PDGFA: variants seen among roughly 807,000 people sequenced by gnomAD.
The protein encoded by PDGFA is platelet-derived growth factor subunit A.
Under a neutral mutation model 25.6 loss-of-function variants are expected in PDGFA, and 9 were observed. That is an observed-to-expected ratio of 0.35 (90% CI 0.21 to 0.61). The LOEUF (loss-of-function observed/expected upper bound fraction) is 0.61, where lower values mean the gene tolerates loss of function less well. Ranked by LOEUF, PDGFA falls within the 20% of genes least tolerant of loss-of-function variation. The pLI is 0.75. For missense variants in PDGFA, 242 were observed against 272.8 expected, an observed-to-expected ratio of 0.89 and a Z score of 0.79; for synonymous variants, 133 against 111.8, an observed-to-expected ratio of 1.19 and a Z score of -1.20.
chr7:506,491 C>A (rs1431706486), intron 4 of PDGFA, among the ~76,000 whole-genome samples: 1 of 152,050 alleles, frequency 6.6e-6, no homozygotes, highest in Admixed American at 6.6e-5. Context: ...CGTAACACCC[C>A]AGCCACTCTG....
chr7:518,901 G>A (rs1280885716), intron 1 of PDGFA, 38 bp downstream of exon 1: 6 of 1,416,162 alleles, frequency 4.2e-6, no homozygotes, highest in East Asian at 2.6e-5. Flanking sequence ...TGCGCCGGAG[G>A]AGCCGGCGCA....
At chr7:513,636 G>A (rs1583156827) in intron 2 of PDGFA, among the ~76,000 whole-genome samples, 1 of 152,136 alleles carries the variant, frequency 6.6e-6, no homozygotes, top group East Asian at 1.9e-4. Context: ...GGAAGTCCCG[G>A]TCACCAATCC....
rs142130814 is a variant in PDGFA at position 500,748 on chromosome 7, G to A, written c.580+368C>T. 12,693 of 1,437,688 alleles carry A rather than the reference G, an allele frequency of 8.8e-3. 66 individuals carry two copies. The highest frequency in any genetic ancestry group is 0.01 in the Non-Finnish European group (11,375 of 1,099,974). The allele number at this position is 1,437,688 out of a possible 1,614,324, so 89.1% of individuals were successfully genotyped here. On this transcript the variant is annotated intron_variant, in intron 5 of 5. Coordinates refer to ENST00000402802, the Ensembl canonical transcript of PDGFA. The surrounding 1 kb of genome is among the most constrained non-coding windows in gnomAD (Gnocchi z 5.0). ...GAGACCCCAGCCAGCCAGGGCAACT[G>A]CAGTCCTCGAACCTGCTCCTCCCGC...
intron 2 of PDGFA, among the ~76,000 whole-genome samples, chr7:514,340 G>T (rs1172221764): frequency 6.6e-6 from 1 of 152,136 alleles, no homozygotes; most frequent in Admixed American, 6.5e-5. Flanking sequence ...GACGGCAGCC[G>T]TGCTAGCTCA....
In PDGFA at chr7:500,885, C is replaced by G. The variant is rs748321621; in HGVS notation, c.580+231G>C. 1.9e-6 allele frequency: 3 copies of G among 1,573,178 alleles called. No individual in the cohort carries two copies. Among genetic ancestry groups the G allele is most frequent in the South Asian group, 1.1e-5 (1 of 88,104 alleles). ...CCCCTCTCAGTGAGACCTGAATCTCCTCTCCTGCCAGTGCCGCAGCTTGGG... is the reference window on the plus strand; with the variant it reads ...CCCCTCTCAGTGAGACCTGAATCTCGTCTCCTGCCAGTGCCGCAGCTTGGG... On this transcript the variant is annotated intron_variant, in intron 5 of 5. Transcript: ENST00000402802. The surrounding 1 kb of genome is among the most constrained non-coding windows in gnomAD (Gnocchi z 5.0).
chr7:502,362 C>T (rs888784503), intron 4 of PDGFA, among the ~76,000 whole-genome samples: 5 of 151,026 alleles, frequency 3.3e-5, no homozygotes, highest in African/African-American at 1.2e-4. Flanking sequence ...ACCTCCCCGC[C>T]GGCCCCAGGC....
chr7:511,576 T>C (rs1423973102), intron 3 of PDGFA, among the ~76,000 whole-genome samples: 1 of 152,098 alleles, frequency 6.6e-6, no homozygotes, highest in Non-Finnish European at 1.5e-5. Context: ...CAGCCACACA[T>C]GACACTTTAA....
Position 500,884 on chromosome 7 carries a change from C to T in PDGFA, c.580+232G>A. ...GCCCCTCTCAGTGAGACCTGAATCT[C>T]CTCTCCTGCCAGTGCCGCAGCTTGG... On this transcript the variant is annotated intron_variant, in intron 5 of 5. Transcript: ENST00000402802. The surrounding 1 kb of genome is among the most constrained non-coding windows in gnomAD (Gnocchi z 5.0). 6.4e-7 allele frequency: 1 copy of T among 1,572,642 alleles called. No individual in the cohort carries two copies. The highest frequency in any genetic ancestry group is 8.6e-7 in the Non-Finnish European group (1 of 1,166,610).
At chr7:512,209 G>A in intron 3 of PDGFA, 142 bp downstream of exon 3, 8 of 742,758 alleles carry the variant, frequency 1.1e-5, no homozygotes, top group South Asian at 3.7e-5. Flanking sequence ...TTTTAGGGAG[G>A]AGGGAACGGG....
intron 4 of PDGFA, among the ~76,000 whole-genome samples, chr7:502,808 AC>A (rs1312494500): frequency 7.6e-6 from 1 of 131,294 alleles, no homozygotes; most frequent in African/African-American, 3.1e-5. Context: ...ACACACACAC[AC>A]ATAATGCACA....
At chr7:508,892 G>C (rs1782682839) in intron 4 of PDGFA, among the ~76,000 whole-genome samples, 1 of 152,208 alleles carries the variant, frequency 6.6e-6, no homozygotes, top group East Asian at 1.9e-4. Context: ...GCCCCAACAG[G>C]CAGGAAACCT....
At chr7:504,709 C>A (rs1297484184) in intron 4 of PDGFA, among the ~76,000 whole-genome samples, 2 of 152,250 alleles carry the variant, frequency 1.3e-5, no homozygotes, top group African/African-American at 2.4e-5. Context: ...CTGTTCTGCT[C>A]CCGGCCCTGA....
rs112364818 is a variant in PDGFA at position 515,314 on chromosome 7, C to G, written c.160+2080G>C. Among the ~76,000 whole-genome samples the G allele has an allele frequency of 4.3e-3, 649 of 152,256 alleles. 4 individuals are homozygous for G. Among genetic ancestry groups the G allele is most frequent in the African/African-American group, 0.015 (617 of 41,534 alleles). On this transcript the variant is annotated intron_variant, in intron 2 of 5. Coordinates refer to ENST00000402802, the Ensembl canonical transcript of PDGFA. ...AGCACCTCTGGATTGAAAAGGGAGT[C>G]CAGGACCCGGAGGGATGCTTACCCA...
Position 517,420 on chromosome 7 carries a change from T to G in PDGFA, c.134A>C (p.Gln45Pro). 7.2e-7 allele frequency: 1 copy of G among 1,390,838 alleles called. No homozygotes were observed. Among genetic ancestry groups the G allele is most frequent in the Non-Finnish European group, 9.5e-7 (1 of 1,058,036 alleles). The allele number at this position is 1,390,838 out of a possible 1,614,324, so 86.2% of individuals were successfully genotyped here. Residue 45 changes from glutamine (Q) to proline (P), a missense_variant, in exon 2 of 6, where the codon CAG becomes CCG. By Grantham distance (76) the Gln-to-Pro change is moderately conservative (BLOSUM62 -1). Around this residue, in one of 5 missense-constraint regions of PDGFA, gnomAD observed 113 missense variants for 98.3 expected, o/e 1.15. Transcript: ENST00000402802. The surrounding 1 kb of genome is among the most constrained non-coding windows in gnomAD (Gnocchi z 7.4). Reference sequence around the variant, plus strand: ...TACGGAGTCTATCTCCAGGAGTCGCTGGAGGTCCCGGATGCTGTGGATCTG... The same window carrying G: ...TACGGAGTCTATCTCCAGGAGTCGCGGGAGGTCCCGGATGCTGTGGATCTG...
chr7:501,403 G>C (rs1206145315), intron 4 of PDGFA, among the ~76,000 whole-genome samples, 161 bp from the exon 5 acceptor site: 1 of 152,156 alleles, frequency 6.6e-6, no homozygotes, highest in Non-Finnish European at 1.5e-5. Context: ...AGCAGTACCA[G>C]GTGAAAAACC....
intron 4 of PDGFA, among the ~76,000 whole-genome samples, chr7:502,536 G>A (rs572880483): frequency 6.6e-6 from 1 of 152,176 alleles, no homozygotes; most frequent in Non-Finnish European, 1.5e-5. Flanking sequence ...CCAGCAGGCC[G>A]TGGCTATCAG....
At chr7:501,036 A>G (rs773029542) in intron 5 of PDGFA, 80 bp downstream of exon 5, 1 of 1,612,270 alleles carries the variant, frequency 6.2e-7, no homozygotes, top group Non-Finnish European at 8.5e-7. Context: ...GTTGCGCTCA[A>G]GGGGGCCACC....
chr7:503,090 A>C (rs1295823497), intron 4 of PDGFA, among the ~76,000 whole-genome samples: 3 of 152,090 alleles, frequency 2.0e-5, no homozygotes, highest in Non-Finnish European at 4.4e-5. Flanking sequence ...CATCCTCCCA[A>C]CCATGCTACA....
upstream of PDGFA, chr7:520,554 C>T (rs531089398): frequency 6.6e-6 from 1 of 152,504 alleles, no homozygotes; most frequent in South Asian, 2.1e-4. Flanking sequence ...CCCAGTCCCC[C>T]ACTCCCGCGC....
Sources: allele counts gnomAD v4.1 joint callset (sites outside exome capture counted in the v4.1 genomes callset), GRCh38; gene constraint gnomAD v4.1.1; regional missense constraint gnomAD v4.1.1; non-coding constraint Gnocchi (gnomAD v3.1); transcripts MANE v1.5; gene names NCBI Gene and HGNC (gene_info 2026-07-23, HGNC 2026-07-21).